GRIK2: variants seen among roughly 807,000 people sequenced by gnomAD.
GRIK2 encodes glutamate receptor ionotropic, kainate 2.
A neutral mutation model predicts 100.3 loss-of-function variants in GRIK2; 32 were observed. The observed-to-expected ratio is 0.32, with a 90% CI of 0.24 to 0.43. The LOEUF is 0.43. Among genes scored for constraint, GRIK2 ranks in the 20% least tolerant of loss-of-function variants. The pLI, the probability that GRIK2 is intolerant of heterozygous loss-of-function variation, is 1.00. For missense variants in GRIK2, 843 were observed against 1,114.9 expected (o/e 0.76, Z 3.47); for synonymous variants, 417 against 389.4 (o/e 1.07, Z -0.83).
intron 2 of GRIK2, among the ~76,000 whole-genome samples, chr6:101,479,692 A>G (rs1401674841): frequency 1.3e-5 from 2 of 152,262 alleles, no homozygotes; most frequent in East Asian, 3.9e-4. Context: ...TTAATGAATT[A>G]GGTTTTGTTA....
At chr6:101,566,509 A>C (rs2128297501) in intron 2 of GRIK2, among the ~76,000 whole-genome samples, 1 of 151,924 alleles carries the variant, frequency 6.6e-6, no homozygotes, top group African/African-American at 2.4e-5. Context: ...CTTGCCTTAA[A>C]ATTTTTAGTA....
chr6:101,402,402 C>G (rs980335846), intron 2 of GRIK2, among the ~76,000 whole-genome samples: 1 of 152,162 alleles, frequency 6.6e-6, no homozygotes, highest in African/African-American at 2.4e-5. Context: ...GTCCTGTTTC[C>G]CCCTTAACCT....
At chr6:101,597,080 T>C (rs567659702) in intron 2 of GRIK2, among the ~76,000 whole-genome samples, 1 of 151,966 alleles carries the variant, frequency 6.6e-6, no homozygotes, top group South Asian at 2.1e-4. Flanking sequence ...CAAAATTATG[T>C]CCTTTGCAGC....
intron 2 of GRIK2, among the ~76,000 whole-genome samples, chr6:101,530,854 G>A (rs1775407029): frequency 6.6e-6 from 1 of 151,926 alleles, no homozygotes; most frequent in Non-Finnish European, 1.5e-5. Flanking sequence ...TTTTTGGAGG[G>A]AGAATGAACA....
At chr6:101,943,502 C>T (rs1791081770) in intron 14 of GRIK2, among the ~76,000 whole-genome samples, 1 of 152,168 alleles carries the variant, frequency 6.6e-6, no homozygotes, top group South Asian at 2.1e-4. Flanking sequence ...CAACACTAGC[C>T]CGTGAAAGCA....
intron 2 of GRIK2, among the ~76,000 whole-genome samples, chr6:101,446,986 A>ATG (rs1437559838): frequency 6.8e-6 from 1 of 146,984 alleles, no homozygotes; most frequent in Non-Finnish European, 1.5e-5. Flanking sequence ...TTATATGTTT[A>ATG]TATATATGTA....
intron 12 of GRIK2, among the ~76,000 whole-genome samples, chr6:101,892,115 C>T (rs539338885): frequency 5.3e-5 from 8 of 152,020 alleles, no homozygotes; most frequent in Admixed American, 2.6e-4. Context: ...AAAGCCTAGA[C>T]GAAAGTGTCA....
intron 2 of GRIK2, among the ~76,000 whole-genome samples, chr6:101,593,367 C>T (rs1027459848): frequency 1.3e-5 from 2 of 151,712 alleles, no homozygotes; most frequent in Non-Finnish European, 2.9e-5. Flanking sequence ...AATTTGCTGT[C>T]GTGTAATGAG....
intron 4 of GRIK2, among the ~76,000 whole-genome samples, chr6:101,631,517 T>C (rs1418050348): frequency 6.6e-6 from 1 of 152,148 alleles, no homozygotes; most frequent in Non-Finnish European, 1.5e-5. Flanking sequence ...TGCTGTCACG[T>C]AAACTATTTC....
chr6:101,459,134 G>T (rs1416681014), intron 2 of GRIK2, among the ~76,000 whole-genome samples: 1 of 151,428 alleles, frequency 6.6e-6, no homozygotes, highest in Non-Finnish European at 1.5e-5. Flanking sequence ...TGGTTTTCTT[G>T]ACCAGAAGCA....
At chr6:102,036,437 G>C (rs1294239820) in intron 15 of GRIK2, among the ~76,000 whole-genome samples, 1 of 151,248 alleles carries the variant, frequency 6.6e-6, no homozygotes, top group African/African-American at 2.4e-5. Context: ...TTGCAGATGC[G>C]ATTAAGTTAA....
intron 2 of GRIK2, among the ~76,000 whole-genome samples, chr6:101,433,235 T>C (rs1489822772): frequency 6.6e-6 from 1 of 152,194 alleles, no homozygotes; most frequent in Non-Finnish European, 1.5e-5. Context: ...GTGCTCGGCA[T>C]CTAGAAAACA....
intron 7 of GRIK2, among the ~76,000 whole-genome samples, chr6:101,790,845 T>C (rs1455123321): frequency 6.6e-6 from 1 of 151,162 alleles, no homozygotes; most frequent in Non-Finnish European, 1.5e-5. Context: ...CCTGGACTCT[T>C]TTTGGTTGGT....
At chr6:101,658,062 T>C (rs1168924158) in intron 4 of GRIK2, among the ~76,000 whole-genome samples, 1 of 152,178 alleles carries the variant, frequency 6.6e-6, no homozygotes, top group Non-Finnish European at 1.5e-5. Context: ...ATTAATTTAT[T>C]TATTTTATTA....
chr6:101,816,245 A>ATT (rs1781622616), intron 9 of GRIK2, among the ~76,000 whole-genome samples: 3 of 151,966 alleles, frequency 2.0e-5, no homozygotes, highest in East Asian at 3.9e-4. Flanking sequence ...TTTATATTAA[A>ATT]AAAAAAAGTA....
chr6:101,859,159 G>C (rs1284964623), intron 10 of GRIK2, 128 bp from the exon 11 acceptor site: 1 of 576,638 alleles, frequency 1.7e-6, no homozygotes, highest in Admixed American at 3.0e-5. Context: ...ATTATAATTA[G>C]AAGAAAATAA....
At chr6:101,574,458 G>A (rs1161818523) in intron 2 of GRIK2, among the ~76,000 whole-genome samples, 2 of 150,340 alleles carry the variant, frequency 1.3e-5, no homozygotes, top group Admixed American at 6.7e-5. Flanking sequence ...ACTAATGTAA[G>A]ATTTTAACCC....
At chr6:101,942,753 T>C (rs767301614) in intron 14 of GRIK2, among the ~76,000 whole-genome samples, 7 of 152,188 alleles carry the variant, frequency 4.6e-5, no homozygotes, top group Admixed American at 1.3e-4. Flanking sequence ...CATACAGTCA[T>C]ACATGTTCAC....
At chr6:101,963,553 T>A (rs1193207768) in intron 14 of GRIK2, among the ~76,000 whole-genome samples, 3 of 143,464 alleles carry the variant, frequency 2.1e-5, no homozygotes, top group African/African-American at 7.8e-5. Flanking sequence ...GGGGTTTCAC[T>A]GTGTTAGCTA....
Sources: allele counts gnomAD v4.1 joint callset (sites outside exome capture counted in the v4.1 genomes callset), GRCh38; gene constraint gnomAD v4.1.1; transcripts MANE v1.5; gene names NCBI Gene and HGNC (gene_info 2026-07-23, HGNC 2026-07-21).